The following MBD5 variants were observed in gnomAD, a reference collection of about 807,000 sequenced individuals.
MBD5 encodes the protein methyl-CpG binding domain protein 5, also known as methyl-CpG-binding domain protein 5.
A neutral mutation model predicts 117.3 loss-of-function variants in MBD5; 13 were observed. The observed-to-expected ratio is 0.11, with a 90% CI of 0.07 to 0.18. MBD5 has a LOEUF of 0.18. MBD5 is among the 10% of genes least tolerant of loss of function. The probability of loss-of-function intolerance (pLI) is 1.00; values close to 1 mark genes in which losing one functional copy is unlikely to be tolerated. For synonymous variants in MBD5, 727 were observed against 766.4 expected (o/e 0.95, Z 0.85); for missense variants, 1,879 against 2,093.8 (o/e 0.90, Z 2.00).
chr2:148,274,977 C>T (rs1701073167), intron 3 of MBD5, among the ~76,000 whole-genome samples: 1 of 152,136 alleles, frequency 6.6e-6, no homozygotes, highest in Non-Finnish European at 1.5e-5. Flanking sequence ...GTGATCCACC[C>T]ACCTTGGCCT....
chr2:148,036,218 A>G (rs1458017534), intron 1 of MBD5, among the ~76,000 whole-genome samples: 1 of 152,096 alleles, frequency 6.6e-6, no homozygotes, highest in Non-Finnish European at 1.5e-5. Context: ...AGGACCTTTT[A>G]AAGTATAGCA....
At chr2:148,244,821 T>G (rs867397300) in intron 3 of MBD5, among the ~76,000 whole-genome samples, 2 of 152,132 alleles carry the variant, frequency 1.3e-5, no homozygotes, top group African/African-American at 2.4e-5. Flanking sequence ...GTGCTTGAGA[T>G]GTAGGGAGTA....
intron 3 of MBD5, among the ~76,000 whole-genome samples, chr2:148,301,107 G>A (rs1327713433): frequency 6.6e-6 from 1 of 152,172 alleles, no homozygotes; most frequent in South Asian, 2.1e-4. Context: ...TGCCCCTAAA[G>A]CACTTCATTC....
intron 1 of MBD5, among the ~76,000 whole-genome samples, chr2:148,113,032 G>C (rs987739061): frequency 7.9e-5 from 12 of 152,174 alleles, no homozygotes; most frequent in African/African-American, 2.9e-4. Flanking sequence ...TATCTCATTA[G>C]ACCAGTTACA....
chr2:148,180,764 A>T (rs144329983), intron 2 of MBD5, among the ~76,000 whole-genome samples: 1 of 151,940 alleles, frequency 6.6e-6, no homozygotes, highest in South Asian at 2.1e-4. Context: ...TCCATGGGGC[A>T]CTGTCATTAC....
chr2:148,420,739 GTTT>G (rs766872919), intron 4 of MBD5, among the ~76,000 whole-genome samples: 229 of 150,548 alleles, frequency 1.5e-3, no homozygotes, highest in African/African-American at 5.3e-3. Flanking sequence ...GTTTTGTTTT[GTTT>G]TGTGACAAGG....
intron 3 of MBD5, among the ~76,000 whole-genome samples, chr2:148,286,179 T>A (rs1480226364): frequency 6.6e-6 from 1 of 152,250 alleles, no homozygotes; most frequent in Non-Finnish European, 1.5e-5. Flanking sequence ...TTTTTCCGTT[T>A]TAATACATGA....
intron 2 of MBD5, among the ~76,000 whole-genome samples, chr2:148,225,596 C>G (rs1699800049): frequency 6.6e-6 from 1 of 152,246 alleles, no homozygotes; most frequent in East Asian, 1.9e-4. Flanking sequence ...ATGTCCTCTT[C>G]TTTCTGATCA....
At chr2:148,369,407 AT>A (rs1487517104) in intron 4 of MBD5, among the ~76,000 whole-genome samples, 3 of 152,180 alleles carry the variant, frequency 2.0e-5, no homozygotes, top group Non-Finnish European at 2.9e-5. Context: ...GATAAGTTGT[AT>A]TGTAATTATG....
intron 1 of MBD5, among the ~76,000 whole-genome samples, chr2:148,117,367 G>A (rs546626503): frequency 2.6e-5 from 4 of 151,392 alleles, no homozygotes; most frequent in African/African-American, 9.7e-5. Flanking sequence ...TAAGACATGT[G>A]TAGCCCAAAT....
At chr2:148,341,342 T>C (rs929199027) in intron 3 of MBD5, among the ~76,000 whole-genome samples, 1 of 152,010 alleles carries the variant, frequency 6.6e-6, no homozygotes, top group Non-Finnish European at 1.5e-5. Context: ...GTAAGTTTTT[T>C]TTTTTCTTGT....
intron 4 of MBD5, among the ~76,000 whole-genome samples, chr2:148,371,874 C>G (rs865984127): frequency 3.9e-4 from 60 of 152,124 alleles, no homozygotes; most frequent in African/African-American, 1.3e-3. Context: ...TTAAAGTCAC[C>G]CTTGATATTG....
At chr2:148,179,641 G>A (rs1217793819) in intron 2 of MBD5, among the ~76,000 whole-genome samples, 1 of 152,044 alleles carries the variant, frequency 6.6e-6, no homozygotes, top group Non-Finnish European at 1.5e-5. Context: ...CACGTAGCAC[G>A]TTCTGTTCAT....
intron 2 of MBD5, among the ~76,000 whole-genome samples, chr2:148,218,275 A>C (rs1699605093): frequency 6.6e-6 from 1 of 152,144 alleles, no homozygotes; most frequent in South Asian, 2.1e-4. Context: ...CATATCACAT[A>C]TCTCTCATCT....
chr2:148,099,418 A>G (rs1023943595), intron 1 of MBD5, among the ~76,000 whole-genome samples: 4 of 152,146 alleles, frequency 2.6e-5, no homozygotes, highest in Admixed American at 1.3e-4. Context: ...GACTTAATTA[A>G]TGAAAAGGGA....
chr2:148,415,669 T>C (rs558590262), intron 4 of MBD5, among the ~76,000 whole-genome samples: 8 of 152,326 alleles, frequency 5.3e-5, no homozygotes, highest in African/African-American at 1.7e-4. Flanking sequence ...TTCTTTTTTA[T>C]TATTTTTTAT....
chr2:148,204,050 G>A (rs1270566786), intron 2 of MBD5, among the ~76,000 whole-genome samples: 1 of 151,968 alleles, frequency 6.6e-6, no homozygotes, highest in Non-Finnish European at 1.5e-5. Flanking sequence ...CAGGAAGAAA[G>A]AAAAGGAGAG....
rs369084853 is a variant in MBD5, at chr2:148,344,164, T to C, written c.-557+1828T>C. ...TTTCTGGGTTCTTTATTCTGTTCCATTGATCTATGCATCTGTTTTTATACC... is the reference window on the plus strand; with the variant it reads ...TTTCTGGGTTCTTTATTCTGTTCCACTGATCTATGCATCTGTTTTTATACC... On this transcript the variant is annotated intron_variant, in intron 4 of 13. Coordinates refer to ENST00000642680, the MANE Select transcript of MBD5 (RefSeq NM_001378120.1). 3.3e-4 allele frequency among the ~76,000 whole-genome samples: 50 copies of C among 152,244 alleles called. No individual in the cohort carries two copies. The East Asian group carries it at 6.6e-3, about 20-fold the overall frequency.
intron 1 of MBD5, among the ~76,000 whole-genome samples, chr2:148,030,256 CAG>C (rs1261282235): frequency 2.6e-5 from 4 of 151,590 alleles, no homozygotes; most frequent in African/African-American, 9.7e-5. Context: ...GCCTGGGTAA[CAG>C]AGCAAGACTC....
Sources: gnomAD v4.1 joint callset for allele counts (sites outside exome capture counted in the v4.1 genomes callset) on GRCh38, gnomAD v4.1.1 for gene constraint, MANE v1.5 for transcripts, NCBI Gene and HGNC (gene_info 2026-07-23, HGNC 2026-07-21) for gene names.